Variants in ITGB3 observed in about 807,000 individuals in gnomAD.
The protein encoded by ITGB3 is integrin beta-3.
Under a neutral mutation model 85.8 loss-of-function variants are expected in ITGB3, and 48 were observed. The ratio of observed to expected loss-of-function variants is 0.56; its 90% CI spans 0.44 to 0.71. The LOEUF (loss-of-function observed/expected upper bound fraction) is 0.71, where lower values mean the gene tolerates loss of function less well. Ranked by LOEUF, ITGB3 falls within the 30% of genes least tolerant of loss-of-function variation. The pLI is 0.00. For missense variants in ITGB3, 861 were observed against 1,019.1 expected (o/e 0.84, Z 2.11); for synonymous variants, 363 against 395.6 (o/e 0.92, Z 0.98).
chr17:47,291,165 T>G, intron 9 of ITGB3, 77 bp downstream of exon 9: 1 of 1,560,620 alleles, frequency 6.4e-7, no homozygotes, highest in Non-Finnish European at 8.8e-7. Flanking sequence ...TTGTAGTGAC[T>G]AAAAATGGCC....
In ITGB3 at chr17:47,289,179, C is replaced by T. The variant is rs369899475; in HGVS notation, c.940-502C>T. On this transcript the variant is annotated intron_variant, in intron 6 of 14. Transcript: ENST00000559488. The stretch of plus-strand genomic sequence containing the variant: ...GAGGCCTAACCCAGTCCCTTGTGCA[C>T]GGAAGCAGCTCCATAGTATTAGTGC... Among the ~76,000 whole-genome samples the T allele has an allele frequency of 5.9e-5, 9 of 152,298 alleles. No homozygotes were observed. The East Asian group carries it at 7.7e-4, about 13-fold the overall frequency.
chr17:47,310,481 G>T lies in ITGB3; in HGVS notation c.*277G>T. ...TAGCCTTTGTCCCAGAATGCCTCCT[G>T]CAGGGATTCTTCCTGCTTAGCTTGA... On this transcript the variant is annotated 3_prime_UTR_variant, in exon 15 of 15. Coordinates refer to ENST00000559488, the MANE Select transcript of ITGB3 (RefSeq NM_000212.3). The T allele has an allele frequency of 1.9e-6, 1 of 519,188 alleles. No homozygotes were observed. Among genetic ancestry groups the T allele is most frequent in the Non-Finnish European group, 3.6e-6 (1 of 279,596 alleles). 32.2% of individuals were successfully genotyped at this position (519,188 alleles called of 1,614,324 possible).
Position 47,310,185 on chromosome 17 carries a change from T to G in ITGB3, c.2348T>G (p.Ile783Ser), listed in dbSNP as rs2065208117. ...GAGGCCACGTCTACCTTCACCAATA[T>G]CACGTACCGGGGCACTTAATGATAA... is the stretch of plus-strand genomic sequence containing the variant. ...YKEATSTFTN[I>S]TYRGT Residue 783 changes from isoleucine (I) to serine (S), a missense_variant, in exon 15 of 15, where the codon ATC becomes AGC. Coordinates refer to ENST00000559488, the MANE Select transcript of ITGB3 (RefSeq NM_000212.3). The G allele has an allele frequency of 6.2e-7, 1 of 1,613,872 alleles. No homozygotes were observed. The highest frequency in any genetic ancestry group is 8.5e-7 in the Non-Finnish European group (1 of 1,179,976).
chr17:47,304,044 C>T (rs983558861), intron 13 of ITGB3, among the ~76,000 whole-genome samples: 4 of 152,228 alleles, frequency 2.6e-5, no homozygotes, highest in South Asian at 2.1e-4. Flanking sequence ...ACTACCACAC[C>T]TGGCTACTTT....
chr17:47,256,166 A>AG (rs761717542), intron 1 of ITGB3, among the ~76,000 whole-genome samples: 69 of 152,252 alleles, frequency 4.5e-4, no homozygotes, highest in Non-Finnish European at 8.1e-4. Context: ...TTGCATTAAA[A>AG]GATCCTTTAA....
At chr17:47,277,241 C>T (rs2065067239) in intron 2 of ITGB3, among the ~76,000 whole-genome samples, 1 of 152,180 alleles carries the variant, frequency 6.6e-6, no homozygotes, top group Admixed American at 6.5e-5. Context: ...AGTCTAGAAC[C>T]TCCCAAACTC....
At chr17:47,292,860 C>G (rs760975806) in intron 10 of ITGB3, among the ~76,000 whole-genome samples, 1 of 151,998 alleles carries the variant, frequency 6.6e-6, no homozygotes, top group African/African-American at 2.4e-5. Flanking sequence ...CACAAGAGAC[C>G]GGGAAAAGAG....
chr17:47,278,187 T>C (rs1337970302), intron 2 of ITGB3, among the ~76,000 whole-genome samples: 1 of 152,186 alleles, frequency 6.6e-6, no homozygotes, highest in African/African-American at 2.4e-5. Flanking sequence ...CAGCAATGGA[T>C]GGGAGATGTT....
intron 12 of ITGB3, among the ~76,000 whole-genome samples, chr17:47,301,946 C>T (rs571169985): frequency 5.7e-4 from 87 of 152,232 alleles, no homozygotes; most frequent in Admixed American, 2.0e-3. Flanking sequence ...TTCAAGTCTG[C>T]AAGATGTGCT....
At chr17:47,300,802 C>T (rs2065164702) in intron 12 of ITGB3, among the ~76,000 whole-genome samples, 1 of 152,166 alleles carries the variant, frequency 6.6e-6, no homozygotes, top group Admixed American at 6.5e-5. Flanking sequence ...TTCTGCTTCC[C>T]AGAGCCCACA....
chr17:47,253,837 C>G lies in ITGB3; in HGVS notation c.-25C>G, dbSNP rs1181896070. On this transcript the variant is annotated 5_prime_UTR_variant, in exon 1 of 15. Transcript: ENST00000559488. ...GCGGCGGCGCCCACTGTGGGGCGGG[C>G]GGAGCGCCGCGGGAGGCGGACGAGA... 12 of 1,191,268 alleles carry G rather than the reference C, an allele frequency of 1.0e-5. No individual in the cohort carries two copies. Among genetic ancestry groups the G allele is most frequent in the Admixed American group, 4.4e-5 (1 of 22,536 alleles). 73.8% of individuals were successfully genotyped at this position (1,191,268 alleles called of 1,614,324 possible).
intron 1 of ITGB3, among the ~76,000 whole-genome samples, chr17:47,256,132 T>C (rs1302952358): frequency 3.9e-5 from 6 of 152,148 alleles, no homozygotes; most frequent in Admixed American, 1.3e-4. Context: ...TGTATTGGAT[T>C]CCACTGCATT....
At chr17:47,270,009 A>G (rs2065038824) in intron 1 of ITGB3, among the ~76,000 whole-genome samples, 1 of 152,230 alleles carries the variant, frequency 6.6e-6, no homozygotes, top group South Asian at 2.1e-4. Context: ...GGCAGGATGG[A>G]GAAGTGCTGA....
chr17:47,288,236 G>GAGAGAGAGAGAGAA (rs2065111444), intron 6 of ITGB3, among the ~76,000 whole-genome samples: 1 of 79,526 alleles, frequency 1.3e-5, no homozygotes, highest in Non-Finnish European at 2.9e-5. Context: ...GAGAGAGAGA[G>GAGAGAGAGAGAGAA]AGAGAAAGAG....
Position 47,307,473 on chromosome 17 carries a change from T to C in ITGB3, c.2137T>C (p.Cys713Arg), listed in dbSNP as rs1436328407. 1.9e-6 allele frequency: 3 copies of C among 1,613,850 alleles called. No homozygotes were observed. Among genetic ancestry groups the C allele is most frequent in the Non-Finnish European group, 2.5e-6 (3 of 1,180,004 alleles). Reference sequence around the variant, plus strand: ...TGCTCTGTGCTTCTTCCTCACAGAGTGTCCCAAGGGCCCTGACATCCTGGT... The same window carrying C: ...TGCTCTGTGCTTCTTCCTCACAGAGCGTCCCAAGGGCCCTGACATCCTGGT... ...SILYVVEEPE[C>R]PKGPDILVVL... Residue 713 changes from cysteine to arginine, a missense_variant and splice_region_variant, in exon 14 of 15, where the codon TGT becomes CGT. Cys to Arg is a radical substitution (Grantham distance 180). Coordinates refer to ENST00000559488, the MANE Select transcript of ITGB3 (RefSeq NM_000212.3).
chr17:47,263,651 A>G (rs1293206491), intron 1 of ITGB3, among the ~76,000 whole-genome samples: 1 of 152,030 alleles, frequency 6.6e-6, no homozygotes, highest in East Asian at 1.9e-4. Context: ...CACCATGCCC[A>G]GCTAATTTTT....
intron 13 of ITGB3, among the ~76,000 whole-genome samples, chr17:47,304,778 T>A (rs1203079104): frequency 1.3e-5 from 2 of 152,074 alleles, no homozygotes; most frequent in African/African-American, 4.8e-5. Context: ...TGACTAACTT[T>A]TGTATTTTTA....
chr17:47,308,093 T>A (rs532715663), intron 14 of ITGB3, among the ~76,000 whole-genome samples: 4 of 150,352 alleles, frequency 2.7e-5, no homozygotes, highest in East Asian at 2.0e-4. Flanking sequence ...TTGAACCCAG[T>A]AGGTAGAGGT....
intron 2 of ITGB3, among the ~76,000 whole-genome samples, chr17:47,278,257 G>A (rs184089269): frequency 6.6e-6 from 1 of 152,280 alleles, no homozygotes; most frequent in Admixed American, 6.5e-5. Context: ...TCTCCAAGAA[G>A]AGTATGAAAT....
Sources: allele counts gnomAD v4.1 joint callset (sites outside exome capture counted in the v4.1 genomes callset), GRCh38; gene constraint gnomAD v4.1.1; transcripts MANE v1.5; gene names NCBI Gene and HGNC (gene_info 2026-07-23, HGNC 2026-07-21).